Variants in LRBA observed in about 807,000 individuals in gnomAD.
LRBA encodes LPS responsive beige-like anchor protein.
In LRBA, 176 loss-of-function variants were observed where a neutral mutation model predicts 330.0. The observed-to-expected ratio is 0.53, with a 90% CI of 0.47 to 0.60. LRBA has a LOEUF of 0.60. Ranked by LOEUF, LRBA falls within the 20% of genes least tolerant of loss-of-function variation. LRBA has a pLI of 0.00. For missense variants in LRBA, 3,259 were observed against 3,444.8 expected (o/e 0.95, Z 1.35); for synonymous variants, 1,230 against 1,193.0 (o/e 1.03, Z -0.64).
At chr4:150,530,246 T>C (rs1267404156) in intron 40 of LRBA, among the ~76,000 whole-genome samples, 1 of 151,864 alleles carries the variant, frequency 6.6e-6, no homozygotes, top group South Asian at 2.1e-4. Context: ...ACAAAAGTGC[T>C]AAGGAAGCAG....
intron 36 of LRBA, among the ~76,000 whole-genome samples, chr4:150,734,409 A>G (rs1730917626): frequency 6.6e-6 from 1 of 152,050 alleles, no homozygotes; most frequent in Non-Finnish European, 1.5e-5. Context: ...TTGGTCTTCT[A>G]GAGTTTTATT....
chr4:150,342,413 GAC>G (rs1735715008), intron 48 of LRBA, among the ~76,000 whole-genome samples: 1 of 152,086 alleles, frequency 6.6e-6, no homozygotes, highest in Admixed American at 6.6e-5. Flanking sequence ...ATAAAGATAA[GAC>G]TATATTCTTA....
At chr4:151,008,547 A>C (rs1037739245) in intron 2 of LRBA, among the ~76,000 whole-genome samples, 7 of 152,048 alleles carry the variant, frequency 4.6e-5, no homozygotes, top group African/African-American at 1.7e-4. Context: ...AGTATGCAAC[A>C]GTTTCACATC....
intron 33 of LRBA, among the ~76,000 whole-genome samples, chr4:150,803,739 T>C (rs775411098): frequency 5.9e-5 from 9 of 152,190 alleles, no homozygotes; most frequent in Non-Finnish European, 1.3e-4. Context: ...AACTCTTAGA[T>C]TTGTTTGCTA....
intron 2 of LRBA, among the ~76,000 whole-genome samples, chr4:150,972,328 C>T (rs184951573): frequency 6.6e-6 from 1 of 152,088 alleles, no homozygotes; most frequent in African/African-American, 2.4e-5. Flanking sequence ...TCTCACAAAA[C>T]AAACTCTGTA....
At chr4:150,266,933 G>A (rs530135983) in intron 56 of LRBA, among the ~76,000 whole-genome samples, 99 of 152,192 alleles carry the variant, frequency 6.5e-4, no homozygotes, top group African/African-American at 2.4e-3. Flanking sequence ...AGACAAAATA[G>A]TCTTTCAGTC....
chr4:150,953,950 T>A (rs1185241085), intron 2 of LRBA, among the ~76,000 whole-genome samples: 15 of 29,304 alleles, frequency 5.1e-4, no homozygotes, highest in East Asian at 1.3e-3. Flanking sequence ...TCTTCTGGGA[T>A]GTGGGGAGCG....
chr4:150,708,732 G>A (rs1030832244), intron 36 of LRBA, among the ~76,000 whole-genome samples: 2 of 151,642 alleles, frequency 1.3e-5, no homozygotes, highest in African/African-American at 4.8e-5. Context: ...ATGAGAAAAT[G>A]CATTTCTTAT....
intron 53 of LRBA, among the ~76,000 whole-genome samples, chr4:150,288,146 T>C (rs946375142): frequency 6.6e-4 from 100 of 152,046 alleles, no homozygotes; most frequent in African/African-American, 2.4e-3. Flanking sequence ...CGCCCGCCAC[T>C]GCGCCCAGCT....
chr4:150,885,322 T>C (rs144910067), intron 17 of LRBA, among the ~76,000 whole-genome samples: 48 of 151,844 alleles, frequency 3.2e-4, no homozygotes, highest in African/African-American at 1.0e-3. Context: ...GAAGTGAAAG[T>C]AACAAAGTGA....
intron 40 of LRBA, among the ~76,000 whole-genome samples, chr4:150,559,174 G>A (rs1485347704): frequency 3.9e-5 from 6 of 152,062 alleles, no homozygotes. Flanking sequence ...TTCAAAATTG[G>A]CAATGTCAAG....
At chr4:150,720,394 A>T (rs1728777773) in intron 36 of LRBA, among the ~76,000 whole-genome samples, 1 of 152,148 alleles carries the variant, frequency 6.6e-6, no homozygotes, top group East Asian at 1.9e-4. Context: ...AATAAGATAA[A>T]ACTCAAAATA....
In LRBA at chr4:150,916,460, T is replaced by C. The variant is rs773593225; in HGVS notation, c.835A>G (p.Ile279Val). 13 of 1,613,684 alleles carry C rather than the reference T, an allele frequency of 8.1e-6. No homozygotes were observed. Among genetic ancestry groups the C allele is most frequent in the Non-Finnish European group, 1.1e-5 (13 of 1,179,830 alleles). ...TGAAAGCCTTTTCCTTTTGACTTTA[T>C]TGATGTTACAATCAAACAGCCTCCA... is the stretch of plus-strand genomic sequence containing the variant. Reference protein sequence around the residue: ...FVGGCLIVTSIKSKGKGFQHC... With the variant: ...FVGGCLIVTSVKSKGKGFQHC... The change falls in exon 7 of 57, where the codon ATA becomes GTA. Residue 279 changes from isoleucine (I) to valine (V), a missense_variant. Transcript: ENST00000651943.
chr4:150,452,659 T>C (rs992047763), intron 44 of LRBA, among the ~76,000 whole-genome samples: 3 of 150,246 alleles, frequency 2.0e-5, no homozygotes, highest in African/African-American at 4.9e-5. Context: ...CTTAACCTAA[T>C]AGAAGCACCT....
intron 40 of LRBA, among the ~76,000 whole-genome samples, chr4:150,575,468 A>G (rs758922169): frequency 5.2e-4 from 79 of 151,974 alleles, no homozygotes; most frequent in Non-Finnish European, 9.1e-4. Context: ...TCATAATAAT[A>G]TAGAGTGCTA....
rs1047974179 is a variant in LRBA, at chr4:150,863,002, A to G, written c.2766+4669T>C. 2.6e-5 allele frequency among the ~76,000 whole-genome samples: 4 copies of G among 152,104 alleles called. No individual in the cohort carries two copies. The East Asian group carries it at 7.7e-4, about 29-fold the overall frequency. ...TCATTTAAAAAAGACACACACACAC[A>G]CACACACACATTCTAACCGGGTGTG... On this transcript the variant is annotated intron_variant, in intron 22 of 56. Transcript: ENST00000651943.
chr4:150,696,108 T>C (rs1209553853), intron 36 of LRBA, among the ~76,000 whole-genome samples: 1 of 152,200 alleles, frequency 6.6e-6, no homozygotes, highest in South Asian at 2.1e-4. Flanking sequence ...CATGCACCTG[T>C]AGTCCTAGCT....
chr4:150,315,582 C>T lies in LRBA; in HGVS notation c.7672G>A (p.Val2558Met), dbSNP rs1336517435. The stretch of plus-strand genomic sequence containing the variant: ...AGACCTATGAGAGGATCGATTTCCA[C>T]TGGCAGCTGGTATGGCTGGTCTTGT... ...AVQDQPYQLPVEIDPLIASNT... is the reference protein window; with the variant it reads ...AVQDQPYQLPMEIDPLIASNT... The change falls in exon 51 of 57, where the codon GTG (valine) becomes ATG (methionine). Residue 2558 changes from valine to methionine, a missense_variant. Physicochemically the swap from Val to Met is conservative, Grantham distance 21. Coordinates refer to ENST00000651943, the MANE Select transcript of LRBA (RefSeq NM_001364905.1). The T allele has an allele frequency of 6.2e-7, 1 of 1,612,530 alleles. No homozygotes were observed. The highest frequency in any genetic ancestry group is 2.2e-5 in the East Asian group (1 of 44,824).
chr4:150,385,445 T>C (rs1742921498), intron 47 of LRBA, among the ~76,000 whole-genome samples: 1 of 152,218 alleles, frequency 6.6e-6, no homozygotes, highest in Non-Finnish European at 1.5e-5. Flanking sequence ...TTTTATTTTC[T>C]ATTACAAGTA....
Sources: gnomAD v4.1 joint callset for allele counts (sites outside exome capture counted in the v4.1 genomes callset) on GRCh38, gnomAD v4.1.1 for gene constraint, MANE v1.5 for transcripts, NCBI Gene and HGNC (gene_info 2026-07-23, HGNC 2026-07-21) for gene names.